ADCY2: variants seen among roughly 807,000 people sequenced by gnomAD.
ADCY2 encodes the protein adenylate cyclase 2.
ADCY2 carries 31 observed loss-of-function variants against 125.2 expected under a neutral mutation model. The ratio of observed to expected loss-of-function variants is 0.25; its 90% CI spans 0.19 to 0.33. The LOEUF is 0.33. Ranked by LOEUF, ADCY2 falls within the 10% of genes least tolerant of loss-of-function variation. ADCY2 has a pLI of 1.00. For synonymous variants in ADCY2, 512 were observed against 548.4 expected, an observed-to-expected ratio of 0.93 and a Z score of 0.93; for missense variants, 904 against 1,418.2, an observed-to-expected ratio of 0.64 and a Z score of 5.82.
intron 3 of ADCY2, among the ~76,000 whole-genome samples, chr5:7,545,767 C>T (rs1454250384): frequency 6.6e-6 from 1 of 152,152 alleles, no homozygotes; most frequent in Admixed American, 6.5e-5. Flanking sequence ...AACCGATAAA[C>T]AGCCCTTTTG....
intron 4 of ADCY2, among the ~76,000 whole-genome samples, chr5:7,627,399 A>T (rs779221759): frequency 2.6e-5 from 4 of 152,200 alleles, no homozygotes; most frequent in Non-Finnish European, 5.9e-5. Flanking sequence ...GAAGCCATAG[A>T]GGGGCCCTGG....
At chr5:7,815,770 G>A (rs532595907) in intron 22 of ADCY2, among the ~76,000 whole-genome samples, 2 of 152,262 alleles carry the variant, frequency 1.3e-5, no homozygotes, top group African/African-American at 2.4e-5. Flanking sequence ...GGATGACACA[G>A]CCCTCAAGGA....
intron 2 of ADCY2, among the ~76,000 whole-genome samples, chr5:7,416,906 G>C (rs931685781): frequency 2.6e-5 from 4 of 152,174 alleles, no homozygotes; most frequent in African/African-American, 9.6e-5. Flanking sequence ...TTAGTGTCTG[G>C]GAGGCCAAGT....
chr5:7,748,667 C>A (rs369351506), intron 15 of ADCY2, among the ~76,000 whole-genome samples: 1 of 152,162 alleles, frequency 6.6e-6, no homozygotes, highest in African/African-American at 2.4e-5. Context: ...GGCTTCCTAT[C>A]CTTGGGTAAG....
At chr5:7,593,193 A>C (rs1212338233) in intron 3 of ADCY2, among the ~76,000 whole-genome samples, 1 of 152,148 alleles carries the variant, frequency 6.6e-6, no homozygotes, top group Non-Finnish European at 1.5e-5. Flanking sequence ...TTGAACAAAA[A>C]TTCTGGGCTT....
intron 12 of ADCY2, among the ~76,000 whole-genome samples, chr5:7,722,837 G>A (rs1241349873): frequency 6.6e-6 from 1 of 151,830 alleles, no homozygotes; most frequent in South Asian, 2.1e-4. Flanking sequence ...GTGTGCACCT[G>A]TAATCCCAGC....
chr5:7,790,287 C>T (rs1215300237), intron 20 of ADCY2, among the ~76,000 whole-genome samples: 1 of 152,170 alleles, frequency 6.6e-6, no homozygotes, highest in Non-Finnish European at 1.5e-5. Flanking sequence ...TCAAAGATAT[C>T]AGATACACAG....
intron 12 of ADCY2, among the ~76,000 whole-genome samples, chr5:7,718,145 A>ATTTT (rs59353850): frequency 0.019 from 2,165 of 115,312 alleles, 75 homozygotes; most frequent in South Asian, 0.026. Flanking sequence ...CCTGTTTTAG[A>ATTTT]TTTTTTTTTT....
rs146786610 is a variant in ADCY2 at position 7,555,883 on chromosome 5, C to CACACAG, written c.570+34985_570+34986insCACAGA. Among the ~76,000 whole-genome samples the CACACAG allele has an allele frequency of 1.9e-3, 281 of 151,006 alleles. 1 individual carries two copies. Among genetic ancestry groups the CACACAG allele is most frequent in the Non-Finnish European group, 2.5e-3 (172 of 67,740 alleles). The stretch of plus-strand genomic sequence containing the variant: ...ACACACACACACACACACACACACA[C>CACACAG]AGACATGATTCTTGGGTGATAAACA... On this transcript the variant is annotated intron_variant, in intron 3 of 24. Transcript: ENST00000338316.
intron 3 of ADCY2, among the ~76,000 whole-genome samples, chr5:7,552,071 C>T (rs1735362458): frequency 6.6e-6 from 1 of 152,010 alleles, no homozygotes; most frequent in African/African-American, 2.4e-5. Flanking sequence ...TAATGAGAAT[C>T]CTATAATATT....
intron 2 of ADCY2, among the ~76,000 whole-genome samples, chr5:7,505,807 A>G (rs995996334): frequency 1.3e-5 from 2 of 152,218 alleles, no homozygotes; most frequent in Non-Finnish European, 2.9e-5. Flanking sequence ...TTGTTTTTAA[A>G]TGAATAATTC....
intron 2 of ADCY2, among the ~76,000 whole-genome samples, chr5:7,489,383 CCTT>C (rs1311653888): frequency 6.6e-6 from 1 of 152,126 alleles, no homozygotes; most frequent in African/African-American, 2.4e-5. Flanking sequence ...GCCACTCAGC[CCTT>C]CCTTGGGTTG....
intron 14 of ADCY2, among the ~76,000 whole-genome samples, chr5:7,729,194 TTTTC>T (rs938655128): frequency 3.3e-5 from 5 of 152,176 alleles, no homozygotes; most frequent in Non-Finnish European, 7.3e-5. Flanking sequence ...ATCTTCATTT[TTTTC>T]TTTTTCTTTA....
chr5:7,652,419 A>G (rs1739127594), intron 4 of ADCY2, among the ~76,000 whole-genome samples: 2 of 152,220 alleles, frequency 1.3e-5, no homozygotes, highest in Admixed American at 6.5e-5. Flanking sequence ...ACCGTAAAAT[A>G]CTTTTCCCAT....
At chr5:7,649,040 A>C (rs533467239) in intron 4 of ADCY2, among the ~76,000 whole-genome samples, 24 of 152,332 alleles carry the variant, frequency 1.6e-4, no homozygotes, top group Non-Finnish European at 2.9e-4. Context: ...ACTTTTAGAG[A>C]TATAGCCTCA....
chr5:7,448,197 C>G (rs1169340968), intron 2 of ADCY2, among the ~76,000 whole-genome samples: 1 of 152,180 alleles, frequency 6.6e-6, no homozygotes, highest in Non-Finnish European at 1.5e-5. Flanking sequence ...AGCTGCAGCT[C>G]TGGAGCTCCT....
intron 4 of ADCY2, among the ~76,000 whole-genome samples, chr5:7,650,896 T>C (rs1464428476): frequency 6.6e-6 from 1 of 152,134 alleles, no homozygotes; most frequent in Non-Finnish European, 1.5e-5. Flanking sequence ...CAGGGAGTAA[T>C]GTTTGCATAA....
At chr5:7,568,732 C>T (rs1290083520) in intron 3 of ADCY2, among the ~76,000 whole-genome samples, 2 of 152,194 alleles carry the variant, frequency 1.3e-5, no homozygotes, top group Non-Finnish European at 2.9e-5. Context: ...CACCTCTCCT[C>T]ACAGCACAGT....
At chr5:7,414,852 A>T in intron 2 of ADCY2, 82 bp downstream of exon 2, 2 of 1,268,792 alleles carry the variant, frequency 1.6e-6, no homozygotes, top group South Asian at 1.7e-5. Flanking sequence ...TTGGCCTTAA[A>T]CTTTGAAGAG....
Sources: gnomAD v4.1 joint callset for allele counts (sites outside exome capture counted in the v4.1 genomes callset) on GRCh38, gnomAD v4.1.1 for gene constraint, MANE v1.5 for transcripts, NCBI Gene and HGNC (gene_info 2026-07-23, HGNC 2026-07-21) for gene names.